The following SYCE3 variants were observed in gnomAD, a reference collection of about 807,000 sequenced individuals.
SYCE3 encodes the protein synaptonemal complex central element protein 3.
A neutral mutation model predicts 8.1 loss-of-function variants in SYCE3; 3 were observed. The observed-to-expected ratio is 0.37, with a 90% CI of 0.17 to 0.96. The LOEUF is 0.96. Among genes scored for constraint, SYCE3 ranks in the 40% least tolerant of loss-of-function variants. SYCE3 has a pLI of 0.41. For synonymous variants in SYCE3, 36 were observed against 38.7 expected (o/e 0.93, Z 0.26); for missense variants, 83 against 110.0 (o/e 0.75, Z 1.10).
At chr22:50,558,943 G>A (rs2069887187) in intron 1 of SYCE3, among the ~76,000 whole-genome samples, 1 of 152,066 alleles carries the variant, frequency 6.6e-6, no homozygotes, top group African/African-American at 2.4e-5. Flanking sequence ...TAACATCTCT[G>A]CAGCACTGAC....
At chr22:50,556,917 G>A (rs1442343607) in intron 1 of SYCE3, among the ~76,000 whole-genome samples, 1 of 152,100 alleles carries the variant, frequency 6.6e-6, no homozygotes, top group Non-Finnish European at 1.5e-5. Flanking sequence ...CAAGCGATGG[G>A]AGCCTGGAGG....
intron 1 of SYCE3, among the ~76,000 whole-genome samples, chr22:50,560,446 A>G (rs1265011599): frequency 6.6e-6 from 1 of 152,154 alleles, no homozygotes; most frequent in Non-Finnish European, 1.5e-5. Flanking sequence ...GATCTGGAAG[A>G]TCCCCTCTGC....
chr22:50,551,641 AC>A (rs11330741), intron 2 of SYCE3, among the ~76,000 whole-genome samples: 12,411 of 152,298 alleles, frequency 0.081, 1,103 homozygotes, highest in African/African-American at 0.22. Flanking sequence ...TTCTGGATAC[AC>A]CAGACATGAT....
chr22:50,554,183 C>T (rs138750346), intron 2 of SYCE3, among the ~76,000 whole-genome samples: 11,641 of 143,696 alleles, frequency 0.081, 1,059 homozygotes, highest in African/African-American at 0.23. Flanking sequence ...CAACAGAGCG[C>T]GACTCTGTCT....
At chr22:50,557,125 T>C (rs187247739) in intron 1 of SYCE3, among the ~76,000 whole-genome samples, 2 of 151,718 alleles carry the variant, frequency 1.3e-5, no homozygotes, top group East Asian at 3.9e-4. Flanking sequence ...AACTTACACA[T>C]CTTCTCGACA....
chr22:50,560,152 G>T (rs1053643021), intron 1 of SYCE3, among the ~76,000 whole-genome samples: 2 of 152,146 alleles, frequency 1.3e-5, no homozygotes, highest in Non-Finnish European at 2.9e-5. Flanking sequence ...AGTCACAGGG[G>T]TATTTTATTT....
chr22:50,551,319 C>T lies in SYCE3; in HGVS notation c.193G>A (p.Ala65Thr). The T allele has an allele frequency of 6.4e-7, 1 of 1,551,292 alleles. No homozygotes were observed. The highest frequency in any genetic ancestry group is 8.7e-7 in the Non-Finnish European group (1 of 1,146,968). Residue 65 changes from alanine (A) to threonine (T), a missense_variant, in exon 3 of 3, where the codon GCC becomes ACC. Transcript: ENST00000406915. Reference sequence around the variant, plus strand: ...ATCTCCTCCTTGCAGTTGACGAAGGCATCCTCCAGCCGACGCATGGACTCG... The same window carrying T: ...ATCTCCTCCTTGCAGTTGACGAAGGTATCCTCCAGCCGACGCATGGACTCG... The part of the protein sequence containing the change: ...LAESMRRLED[A>T]FVNCKEEMEK...
intron 1 of SYCE3, among the ~76,000 whole-genome samples, chr22:50,559,037 T>C (rs957993628): frequency 6.6e-6 from 1 of 152,218 alleles, no homozygotes; most frequent in Non-Finnish European, 1.5e-5. Flanking sequence ...CCTGTGGTAG[T>C]TCCTTCCCTG....
At chr22:50,558,690 G>C (rs6010005) in intron 1 of SYCE3, among the ~76,000 whole-genome samples, 12,709 of 152,198 alleles carry the variant, frequency 0.084, 1,182 homozygotes, top group African/African-American at 0.23. Flanking sequence ...TAAGTGGGGA[G>C]GTACAGGCAG....
intron 1 of SYCE3, among the ~76,000 whole-genome samples, chr22:50,560,721 G>T (rs2069906338): frequency 6.6e-6 from 1 of 152,092 alleles, no homozygotes; most frequent in Non-Finnish European, 1.5e-5. Flanking sequence ...GAGCTACCTG[G>T]ACAGAAAAGC....
At chr22:50,552,228 C>G (rs756914424) in intron 2 of SYCE3, among the ~76,000 whole-genome samples, 4 of 152,172 alleles carry the variant, frequency 2.6e-5, no homozygotes, top group Non-Finnish European at 5.9e-5. Context: ...CACAAGCATC[C>G]CAGATCGTTC....
Position 50,556,287 on chromosome 22 carries a change from CACA to C in SYCE3, c.109+7_109+9del. On this transcript the variant is annotated splice_region_variant and intron_variant, in intron 2 of 2. Transcript: ENST00000406915. Reference sequence around the variant, plus strand: ...CCTGTCTCAGATACTTTTGGGTTCACACATCCTACCTGAGATTTTCTCCATCTC... The same window carrying C: ...CCTGTCTCAGATACTTTTGGGTTCACTCCTACCTGAGATTTTCTCCATCTC... 6.5e-7 allele frequency: 1 copy of C among 1,541,258 alleles called. No individual in the cohort carries two copies. The highest frequency in any genetic ancestry group is 8.8e-7 in the Non-Finnish European group (1 of 1,138,502).
chr22:50,559,032 G>C (rs1032380606), intron 1 of SYCE3, among the ~76,000 whole-genome samples: 3 of 152,182 alleles, frequency 2.0e-5, no homozygotes, highest in East Asian at 1.9e-4. Flanking sequence ...GTCCACCTGT[G>C]GTAGTTCCTT....
intron 1 of SYCE3, among the ~76,000 whole-genome samples, chr22:50,556,931 G>A (rs2069865370): frequency 6.6e-6 from 1 of 151,998 alleles, no homozygotes; most frequent in Non-Finnish European, 1.5e-5. Context: ...CTGGAGGCGG[G>A]TACGTTTAAT....
intron 1 of SYCE3, among the ~76,000 whole-genome samples, chr22:50,559,265 T>A (rs993874848): frequency 1.3e-5 from 2 of 152,124 alleles, no homozygotes; most frequent in Non-Finnish European, 2.9e-5. Flanking sequence ...TAGCTGGGAT[T>A]ACAGGTGCCC....
intron 2 of SYCE3, among the ~76,000 whole-genome samples, chr22:50,556,039 C>T (rs562687492): frequency 6.6e-6 from 1 of 152,184 alleles, no homozygotes; most frequent in African/African-American, 2.4e-5. Flanking sequence ...GTGATCCACC[C>T]GTCTCGGCCT....
chr22:50,551,539 G>T, intron 2 of SYCE3, 137 bp from the exon 3 acceptor site: 1 of 879,792 alleles, frequency 1.1e-6, no homozygotes, highest in Non-Finnish European at 1.7e-6. Flanking sequence ...TTACTCTAGG[G>T]AGAGACAGCT....
chr22:50,553,823 C>T (rs2069833003), intron 2 of SYCE3, among the ~76,000 whole-genome samples: 2 of 152,010 alleles, frequency 1.3e-5, no homozygotes, highest in African/African-American at 4.8e-5. Flanking sequence ...CCTTGTGATC[C>T]TCCTGCCTCG....
At chr22:50,561,231 C>A (rs895771261) in intron 1 of SYCE3, among the ~76,000 whole-genome samples, 1 of 151,880 alleles carries the variant, frequency 6.6e-6, no homozygotes, top group East Asian at 1.9e-4. Context: ...ATAAGTGGGG[C>A]GTTGGGGTGG....
Sources: gnomAD v4.1 joint callset for allele counts (sites outside exome capture counted in the v4.1 genomes callset) on GRCh38, gnomAD v4.1.1 for gene constraint, MANE v1.5 for transcripts, NCBI Gene and HGNC (gene_info 2026-07-23, HGNC 2026-07-21) for gene names.